Variants in SOX5 observed in about 807,000 individuals in gnomAD.
The protein encoded by SOX5 is SRY-box transcription factor 5.
Under a neutral mutation model 92.0 loss-of-function variants are expected in SOX5, and 9 were observed. That is an observed-to-expected ratio of 0.10 (90% CI 0.06 to 0.17). SOX5 has a LOEUF of 0.17. Among genes scored for constraint, SOX5 ranks in the 10% least tolerant of loss-of-function variants. The pLI is 1.00. For missense variants in SOX5, 642 were observed against 944.5 expected (o/e 0.68, Z 4.20); for synonymous variants, 344 against 336.3 (o/e 1.02, Z -0.25).
intron 4 of SOX5, among the ~76,000 whole-genome samples, chr12:24,137,568 G>GT (rs1268940655): frequency 6.6e-6 from 1 of 152,152 alleles, no homozygotes; most frequent in Non-Finnish European, 1.5e-5. Context: ...GGAGATGGAG[G>GT]TTGCAGTGAG....
Position 23,665,583 on chromosome 12 carries a change from C to T in SOX5, c.811-19G>A, listed in dbSNP as rs376901036. 133 of 1,587,560 alleles carry T rather than the reference C, an allele frequency of 8.4e-5. No homozygotes were observed. The highest frequency in any genetic ancestry group is 1.7e-4 in the Middle Eastern group (1 of 5,870). On this transcript the variant is annotated intron_variant, in intron 6 of 14. Coordinates refer to ENST00000451604, the MANE Select transcript of SOX5 (RefSeq NM_006940.6). ...CTTGAACCTGCTGAACGTGATAGAG[C>T]GAATCAAAGAGAAGAAGTTTCGATG...
chr12:24,341,078 G>A (rs559289710), intron 2 of SOX5, among the ~76,000 whole-genome samples: 5 of 152,300 alleles, frequency 3.3e-5, no homozygotes, highest in African/African-American at 9.6e-5. Context: ...AAATGTCATA[G>A]TACAAAAGTC....
At chr12:23,549,314 G>A (rs1043078488) in intron 11 of SOX5, among the ~76,000 whole-genome samples, 2 of 151,896 alleles carry the variant, frequency 1.3e-5, no homozygotes, top group Non-Finnish European at 2.9e-5. Context: ...GGGCACAAGT[G>A]ACAATTTTTT....
intron 14 of SOX5, among the ~76,000 whole-genome samples, chr12:23,534,748 T>C (rs574098142): frequency 6.7e-6 from 1 of 150,234 alleles, no homozygotes; most frequent in South Asian, 2.1e-4. Flanking sequence ...TCGCTCCTGT[T>C]GCCTAGGCTG....
intron 3 of SOX5, among the ~76,000 whole-genome samples, chr12:23,817,382 TTA>T (rs1445564514): frequency 1.3e-5 from 2 of 152,180 alleles, no homozygotes; most frequent in African/African-American, 4.8e-5. Flanking sequence ...AAATCATACA[TTA>T]TATGTCTAGC....
intron 3 of SOX5, among the ~76,000 whole-genome samples, chr12:23,823,411 ATTCTT>A (rs2096164052): frequency 1.3e-5 from 2 of 152,126 alleles, no homozygotes; most frequent in Non-Finnish European, 2.9e-5. Flanking sequence ...TGGGTTGAAA[ATTCTT>A]TTCTTTAAGA....
At position 23,616,438 on chromosome 12, in the gene SOX5, T is replaced by C. The variant is rs138523574; in HGVS notation, c.1018-11905A>G. On this transcript the variant is annotated intron_variant, in intron 8 of 14. Transcript: ENST00000451604. ...GCCTAGAGGAAAGTGGGAAGGGTTG[T>C]CACTTAATTTCCAGTCTGGAGTCCC... Among the ~76,000 whole-genome samples, 1,066 of 152,300 alleles carry C rather than the reference T, an allele frequency of 7.0e-3. 9 individuals carry two copies. The highest frequency in any genetic ancestry group is 0.023 in the African/African-American group (956 of 41,570).
At chr12:24,353,995 A>C (rs540888087) in intron 2 of SOX5, among the ~76,000 whole-genome samples, 14 of 152,228 alleles carry the variant, frequency 9.2e-5, no homozygotes, top group Non-Finnish European at 1.9e-4. Flanking sequence ...TGTTACATTG[A>C]ATAATGAGGA....
intron 4 of SOX5, among the ~76,000 whole-genome samples, chr12:24,056,433 A>T (rs924889889): frequency 6.6e-6 from 1 of 152,240 alleles, no homozygotes; most frequent in Non-Finnish European, 1.5e-5. Context: ...TATAGTTTTC[A>T]AACATATTAA....
At chr12:24,353,526 G>C (rs1954384181) in intron 2 of SOX5, among the ~76,000 whole-genome samples, 1 of 152,050 alleles carries the variant, frequency 6.6e-6, no homozygotes, top group African/African-American at 2.4e-5. Flanking sequence ...CAGATGGAGG[G>C]GTCGACATTC....
At chr12:23,935,955 T>A (rs937402681) in intron 1 of SOX5, among the ~76,000 whole-genome samples, 2 of 151,074 alleles carry the variant, frequency 1.3e-5, no homozygotes, top group African/African-American at 4.8e-5. Flanking sequence ...GTACCCCAGC[T>A]TTTCCACTTA....
chr12:24,042,103 T>C (rs1006594977), intron 4 of SOX5, among the ~76,000 whole-genome samples: 1 of 152,056 alleles, frequency 6.6e-6, no homozygotes, highest in Non-Finnish European at 1.5e-5. Flanking sequence ...AATTTAATCA[T>C]TTGAGTATAT....
intron 2 of SOX5, among the ~76,000 whole-genome samples, chr12:24,289,704 C>G (rs1946395999): frequency 1.7e-5 from 2 of 120,724 alleles, no homozygotes; most frequent in South Asian, 4.8e-4. Flanking sequence ...ATCCGCCCGC[C>G]TCGGCCTCCC....
Position 23,534,377 on chromosome 12 carries a change from T to G in SOX5, c.2134A>C (p.Thr712Pro). 1 of 1,614,144 alleles carries G rather than the reference T, an allele frequency of 6.2e-7. No individual in the cohort carries two copies. The highest frequency in any genetic ancestry group is 1.1e-5 in the South Asian group (1 of 91,084). ...GGCTCCTCTCCTTTCACACCGTAAG[T>G]GCTCTGGATAACAGGCATCCCAGGC... Reference protein sequence around the residue: ...PEPGMPVIQSTYGVKGEEPHI... With the variant: ...PEPGMPVIQSPYGVKGEEPHI... The change falls in exon 15 of 15, where the codon ACT becomes CCT. Residue 712 changes from threonine to proline, a missense_variant. By Grantham distance (38) the Thr-to-Pro change is conservative (BLOSUM62 -1). Transcript: ENST00000451604.
chr12:23,692,910 G>A (rs907483597), intron 6 of SOX5, among the ~76,000 whole-genome samples: 6 of 152,120 alleles, frequency 3.9e-5, no homozygotes, highest in East Asian at 3.9e-4. Context: ...TTAGCATTAC[G>A]TAGAAGCCCT....
intron 4 of SOX5, among the ~76,000 whole-genome samples, chr12:24,178,685 C>CTA: frequency 6.6e-6 from 1 of 152,262 alleles, no homozygotes; most frequent in Non-Finnish European, 1.5e-5. Flanking sequence ...TGTTTTCCTC[C>CTA]TAAAAACCTT....
At chr12:24,267,736 G>A (rs1943201676) in intron 3 of SOX5, among the ~76,000 whole-genome samples, 1 of 152,098 alleles carries the variant, frequency 6.6e-6, no homozygotes, top group South Asian at 2.1e-4. Context: ...AAGGCTTTTA[G>A]TCAAAAGTTC....
chr12:24,463,222 A>C (rs944506965), intron 1 of SOX5, among the ~76,000 whole-genome samples: 28 of 152,266 alleles, frequency 1.8e-4, no homozygotes, highest in African/African-American at 6.0e-4. Context: ...AAAAGAAAAA[A>C]AAAAAGCTTA....
intron 5 of SOX5, among the ~76,000 whole-genome samples, chr12:23,740,237 C>T (rs2093747222): frequency 6.6e-6 from 1 of 152,180 alleles, no homozygotes; most frequent in South Asian, 2.1e-4. Flanking sequence ...TCCAAACTTG[C>T]TCTTCTGACT....
Sources: gnomAD v4.1 joint callset for allele counts (sites outside exome capture counted in the v4.1 genomes callset) on GRCh38, gnomAD v4.1.1 for gene constraint, MANE v1.5 for transcripts, NCBI Gene and HGNC (gene_info 2026-07-23, HGNC 2026-07-21) for gene names.